Variants in ICA1L observed in about 807,000 individuals in gnomAD.
ICA1L encodes the protein islet cell autoantigen 1 like.
Under a neutral mutation model 61.3 loss-of-function variants are expected in ICA1L, and 50 were observed. The ratio of observed to expected loss-of-function variants is 0.82; its 90% CI spans 0.65 to 1.03. The LOEUF (loss-of-function observed/expected upper bound fraction) is 1.03, where lower values mean the gene tolerates loss of function less well. ICA1L is among the 50% of genes least tolerant of loss of function. The pLI, the probability that ICA1L is intolerant of heterozygous loss-of-function variation, is 0.00. For synonymous variants in ICA1L, 161 were observed against 191.3 expected (o/e 0.84, Z 1.31); for missense variants, 508 against 556.7 (o/e 0.91, Z 0.88).
At chr2:202,848,629 G>T (rs545067924) in intron 1 of ICA1L, among the ~76,000 whole-genome samples, 20 of 152,254 alleles carry the variant, frequency 1.3e-4, no homozygotes, top group Non-Finnish European at 2.5e-4. Context: ...GCAGACCCCT[G>T]ATCTCAGCCA....
In ICA1L at chr2:202,861,168, A is replaced by G. The variant is rs193187902; in HGVS notation, c.-8+10451T>C. Among the ~76,000 whole-genome samples the G allele has an allele frequency of 2.7e-3, 411 of 152,298 alleles. 3 individuals carry two copies. Among genetic ancestry groups the G allele is most frequent in the African/African-American group, 8.6e-3 (356 of 41,574 alleles). On this transcript the variant is annotated intron_variant, in intron 1 of 12. Transcript: ENST00000358299. ...CTAGAACCCAGGAGGCAGAGGTTAC[A>G]GTGAGCTGAGATTGTGCCATTGCAC...
At position 202,789,333 on chromosome 2, in the gene ICA1L, C is replaced by T. The variant is rs552963302; in HGVS notation, c.986-246G>A. Among the ~76,000 whole-genome samples, 10 of 152,188 alleles carry T rather than the reference C, an allele frequency of 6.6e-5. No homozygotes were observed. The South Asian group carries it at 2.1e-3, about 32-fold the overall frequency. ...TGCTATATATGAAATAATTAAGCTA[C>T]CACCTAAGTCAGAAACCAAAGGAGA... On this transcript the variant is annotated intron_variant, in intron 10 of 12. Transcript: ENST00000358299.
intron 10 of ICA1L, among the ~76,000 whole-genome samples, chr2:202,790,507 C>T (rs561190243): frequency 5.3e-5 from 8 of 152,314 alleles, no homozygotes; most frequent in African/African-American, 1.9e-4. Context: ...CAGTCTGGTG[C>T]AGCCAGAACA....
At chr2:202,859,618 A>G (rs1694856769) in intron 1 of ICA1L, among the ~76,000 whole-genome samples, 1 of 152,194 alleles carries the variant, frequency 6.6e-6, no homozygotes, top group Non-Finnish European at 1.5e-5. Flanking sequence ...AGTCCCACAA[A>G]TCCCACACTA....
intron 9 of ICA1L, among the ~76,000 whole-genome samples, chr2:202,804,642 G>A (rs1314782627): frequency 1.3e-5 from 2 of 152,132 alleles, no homozygotes; most frequent in Admixed American, 6.5e-5. Context: ...TATAGAAGAC[G>A]TAGAGCAACA....
At chr2:202,806,971 CAAAACTT>C (rs1278597448) in intron 9 of ICA1L, among the ~76,000 whole-genome samples, 4 of 152,160 alleles carry the variant, frequency 2.6e-5, no homozygotes, top group African/African-American at 9.7e-5. Context: ...AGGGAAAACT[CAAAACTT>C]AATCATGCAA....
rs1235028053 is a variant in ICA1L, at chr2:202,779,761, A to G, written c.1334-113T>C. ...TCTTTTGGATTAAGAAAAAATTAAG[A>G]TAACTGACAATAATCTATCAACTAT... On this transcript the variant is annotated intron_variant, in intron 12 of 12. Coordinates refer to ENST00000358299, the MANE Select transcript of ICA1L (RefSeq NM_001288622.3). 3 of 616,852 alleles carry G rather than the reference A, an allele frequency of 4.9e-6. No individual in the cohort carries two copies. In the East Asian group the frequency reaches 8.5e-5, roughly 17 times the overall value. The allele number at this position is 616,852 out of a possible 1,614,324, so 38.2% of individuals were successfully genotyped here.
chr2:202,808,123 C>T (rs1409703102), intron 9 of ICA1L, among the ~76,000 whole-genome samples: 2 of 152,126 alleles, frequency 1.3e-5, no homozygotes, highest in African/African-American at 4.8e-5. Flanking sequence ...TTTATTGCAG[C>T]TTGGGCACCA....
intron 1 of ICA1L, among the ~76,000 whole-genome samples, chr2:202,869,763 C>T (rs1687642232): frequency 6.6e-6 from 1 of 151,440 alleles, no homozygotes; most frequent in African/African-American, 2.4e-5. Context: ...AATTTTAAAA[C>T]CCTAGTGTTA....
intron 3 of ICA1L, 189 bp from the exon 4 acceptor site, chr2:202,821,670 G>A (rs1693705804): frequency 2.6e-6 from 1 of 383,944 alleles, no homozygotes; most frequent in Non-Finnish European, 4.6e-6. Flanking sequence ...ATAGGTCTAG[G>A]GAATCTGGCT....
At chr2:202,854,144 C>A (rs1694705354) in intron 1 of ICA1L, among the ~76,000 whole-genome samples, 1 of 151,738 alleles carries the variant, frequency 6.6e-6, no homozygotes, top group South Asian at 2.1e-4. Flanking sequence ...TTCAGGAGAC[C>A]TATCTCATGT....
At chr2:202,780,799 C>G (rs1473142670) in intron 12 of ICA1L, among the ~76,000 whole-genome samples, 3 of 152,114 alleles carry the variant, frequency 2.0e-5, no homozygotes, top group Admixed American at 2.0e-4. Context: ...TCAGTGATAA[C>G]CACACAAAAT....
At chr2:202,813,934 C>A (rs1403261859) in intron 8 of ICA1L, among the ~76,000 whole-genome samples, 3 of 152,132 alleles carry the variant, frequency 2.0e-5, no homozygotes, top group African/African-American at 7.2e-5. Context: ...TCTAGCTACC[C>A]ATTTCAAGAG....
At chr2:202,798,717 CTTCT>C (rs1209957443) in intron 9 of ICA1L, among the ~76,000 whole-genome samples, 1 of 151,956 alleles carries the variant, frequency 6.6e-6, no homozygotes, top group Non-Finnish European at 1.5e-5. Context: ...TGATACATTC[CTTCT>C]ATTTCACTGT....
chr2:202,817,781 A>G (rs1224753505), intron 5 of ICA1L, among the ~76,000 whole-genome samples: 2 of 152,218 alleles, frequency 1.3e-5, no homozygotes, highest in Non-Finnish European at 2.9e-5. Flanking sequence ...AAAGTATGAG[A>G]TAATAGATGG....
At chr2:202,852,077 T>C (rs1283797353) in intron 1 of ICA1L, among the ~76,000 whole-genome samples, 1 of 152,236 alleles carries the variant, frequency 6.6e-6, no homozygotes, top group Non-Finnish European at 1.5e-5. Flanking sequence ...ATGAAGTCCT[T>C]GCCGCTGCCT....
Position 202,776,226 on chromosome 2 carries a change from T to TA in ICA1L, c.*3306dup, listed in dbSNP as rs1692216689. 6.6e-6 allele frequency: 1 copy of TA among 152,178 alleles called. No homozygotes were observed. The highest frequency in any genetic ancestry group is 1.5e-5 in the Non-Finnish European group (1 of 68,042). The allele number at this position is 152,178 out of a possible 1,614,324, so 9.4% of individuals were successfully genotyped here. ...GAAGGATTTCAAAAACATACAAAAT[T>TA]ACACCAATCTGATCTTATTATGCCC... is the stretch of plus-strand genomic sequence containing the variant. On this transcript the variant is annotated 3_prime_UTR_variant, in exon 13 of 13. Transcript: ENST00000358299.
At chr2:202,805,398 A>G (rs1303040565) in intron 9 of ICA1L, among the ~76,000 whole-genome samples, 1 of 152,190 alleles carries the variant, frequency 6.6e-6, no homozygotes, top group Non-Finnish European at 1.5e-5. Context: ...CTTGTAAGAT[A>G]TAGGAAAATT....
chr2:202,793,494 TAAAAAAAAAAAAAAAAA>T (rs755015399), intron 10 of ICA1L, among the ~76,000 whole-genome samples: 39 of 31,360 alleles, frequency 1.2e-3, no homozygotes, highest in Non-Finnish European at 1.5e-3. Context: ...CCGTCTCTAC[TAAAAAAAAAAAAAAAAA>T]AAAAAAAAAA....
Sources: gnomAD v4.1 joint callset for allele counts (sites outside exome capture counted in the v4.1 genomes callset) on GRCh38, gnomAD v4.1.1 for gene constraint, MANE v1.5 for transcripts, NCBI Gene and HGNC (gene_info 2026-07-23, HGNC 2026-07-21) for gene names.